ADAMTSL1: variants seen among roughly 807,000 people sequenced by gnomAD.
The protein encoded by ADAMTSL1 is ADAMTS-like protein 1.
In ADAMTSL1, 126 loss-of-function variants were observed where a neutral mutation model predicts 201.8. The ratio of observed to expected loss-of-function variants is 0.62; its 90% CI spans 0.54 to 0.72. ADAMTSL1 has a LOEUF of 0.72. Among genes scored for constraint, ADAMTSL1 ranks in the 30% least tolerant of loss-of-function variants. The pLI is 0.00. For synonymous variants in ADAMTSL1, 1,121 were observed against 903.4 expected, an observed-to-expected ratio of 1.24 and a Z score of -4.32; for missense variants, 2,679 against 2,277.8, an observed-to-expected ratio of 1.18 and a Z score of -3.59.
intron 9 of ADAMTSL1, among the ~76,000 whole-genome samples, chr9:18,671,188 T>G (rs1564136538): frequency 6.6e-6 from 1 of 151,974 alleles, no homozygotes; most frequent in Non-Finnish European, 1.5e-5. Flanking sequence ...TAGTACACAG[T>G]TAAAAGTGAG....
intron 3 of ADAMTSL1, among the ~76,000 whole-genome samples, chr9:18,540,274 A>G (rs915192780): frequency 6.6e-6 from 1 of 152,212 alleles, no homozygotes; most frequent in African/African-American, 2.4e-5. Flanking sequence ...GATGCAGATG[A>G]TAAAGTTTTA....
At chr9:18,049,510 C>T (rs1226046724) in intron 1 of ADAMTSL1, among the ~76,000 whole-genome samples, 1 of 152,124 alleles carries the variant, frequency 6.6e-6, no homozygotes, top group Non-Finnish European at 1.5e-5. Context: ...ATCTTATAAC[C>T]ATGTGAGGAT....
intron 19 of ADAMTSL1, among the ~76,000 whole-genome samples, chr9:18,792,076 C>CAAAAAAAAA (rs372062110): frequency 1.4e-5 from 2 of 147,028 alleles, no homozygotes; most frequent in African/African-American, 5.0e-5. Context: ...TAGTTGTATG[C>CAAAAAAAAA]AAAAAAAAAA....
In ADAMTSL1 at chr9:18,574,100, G is replaced by A. The variant is rs541759156; in HGVS notation, c.308G>A (p.Gly103Asp). Reference protein sequence around the residue: ...CSAHNDVKHHGQFYEWLPVSN... With the variant: ...CSAHNDVKHHDQFYEWLPVSN... ...GCTCATAATGATGTCAAGCACCATG[G>A]CCAGTTTTATGAATGGCTTCCTGTG... Residue 103 changes from glycine (G) to aspartate (D), a missense_variant, in exon 4 of 29, where the codon GGC (glycine) becomes GAC (aspartate). By Grantham distance (94) the Gly-to-Asp change is moderately conservative. Coordinates refer to ENST00000380548, the MANE Select transcript of ADAMTSL1 (RefSeq NM_001040272.6). The A allele has an allele frequency of 4.2e-5, 67 of 1,614,088 alleles. No individual in the cohort carries two copies. The South Asian group carries it at 5.3e-4, about 13-fold the overall frequency.
chr9:18,509,392 A>G (rs1817887133), intron 2 of ADAMTSL1, among the ~76,000 whole-genome samples: 1 of 152,102 alleles, frequency 6.6e-6, no homozygotes. Flanking sequence ...GCTAATGGTA[A>G]CTCTAATTGG....
In ADAMTSL1 at chr9:18,029,799, C is replaced by A. The variant is rs188501328; in HGVS notation, c.87+122877C>A. Among the ~76,000 whole-genome samples the A allele has an allele frequency of 4.1e-4, 63 of 152,318 alleles. 2 individuals are homozygous for A. The East Asian group carries it at 0.011, about 26-fold the overall frequency. On this transcript the variant is annotated intron_variant, in intron 1 of 29. Coordinates refer to the ADAMTSL1 transcript ENST00000680146. ...GTAGCCAAAAACACATGAAAAAACG[C>A]TCTTCATCACTGGCCATCAGAGAAA...
chr9:18,361,714 G>C (rs192788613), intron 2 of ADAMTSL1, among the ~76,000 whole-genome samples: 4 of 152,282 alleles, frequency 2.6e-5, no homozygotes, highest in Non-Finnish European at 1.5e-5. Context: ...AGACTCTAGT[G>C]CTGGATTCAG....
intron 2 of ADAMTSL1, among the ~76,000 whole-genome samples, chr9:18,468,101 A>C (rs1821074009): frequency 6.6e-6 from 1 of 152,204 alleles, no homozygotes; most frequent in African/African-American, 2.4e-5. Context: ...GCTACAAAAG[A>C]CAGTTTATTT....
chr9:18,129,178 A>G (rs1825852605), intron 1 of ADAMTSL1, among the ~76,000 whole-genome samples: 1 of 152,196 alleles, frequency 6.6e-6, no homozygotes, highest in Admixed American at 6.5e-5. Flanking sequence ...TACCTGCTAA[A>G]TATATCTTTG....
intron 7 of ADAMTSL1, among the ~76,000 whole-genome samples, chr9:18,654,685 T>C (rs1828511699): frequency 6.7e-6 from 1 of 149,230 alleles, no homozygotes; most frequent in African/African-American, 2.4e-5. Context: ...CATTTTAAAA[T>C]AGTCTTAACA....
At chr9:18,851,104 C>T (rs1460204810) in intron 23 of ADAMTSL1, among the ~76,000 whole-genome samples, 1 of 152,062 alleles carries the variant, frequency 6.6e-6, no homozygotes, top group Non-Finnish European at 1.5e-5. Flanking sequence ...AACTTGATCA[C>T]CATTGTGAGT....
chr9:18,794,410 A>C (rs201669012), intron 19 of ADAMTSL1, among the ~76,000 whole-genome samples: 3 of 85,960 alleles, frequency 3.5e-5, no homozygotes, highest in East Asian at 3.2e-4. Context: ...GTCTCAAAAA[A>C]AAAAAACAAA....
intron 14 of ADAMTSL1, chr9:18,718,183 T>C (rs1309322897): frequency 2.5e-6 from 2 of 794,402 alleles, no homozygotes; most frequent in African/African-American, 3.4e-5. Flanking sequence ...TCATACTTAT[T>C]ACCAACAAGA....
intron 2 of ADAMTSL1, among the ~76,000 whole-genome samples, chr9:18,430,386 T>C (rs1216529668): frequency 6.6e-6 from 1 of 152,224 alleles, no homozygotes; most frequent in Non-Finnish European, 1.5e-5. Context: ...TACTCACTCT[T>C]TTCTTACTTA....
intron 2 of ADAMTSL1, among the ~76,000 whole-genome samples, chr9:18,456,346 C>A (rs1425057638): frequency 2.6e-5 from 4 of 152,174 alleles, no homozygotes; most frequent in African/African-American, 9.7e-5. Context: ...CTCCTCCTGC[C>A]ACACTGGAAA....
At chr9:17,979,652 T>G (rs1818607207) in intron 1 of ADAMTSL1, among the ~76,000 whole-genome samples, 1 of 152,160 alleles carries the variant, frequency 6.6e-6, no homozygotes, top group Admixed American at 6.6e-5. Flanking sequence ...ACTAGTGCTT[T>G]GTTCTTTGGT....
At chr9:18,214,537 A>T (rs1465481191) in intron 2 of ADAMTSL1, among the ~76,000 whole-genome samples, 2 of 152,324 alleles carry the variant, frequency 1.3e-5, no homozygotes, top group African/African-American at 4.8e-5. Context: ...AAATGTTTAG[A>T]TTAAATTTAG....
intron 2 of ADAMTSL1, among the ~76,000 whole-genome samples, chr9:18,342,859 T>C (rs1228132770): frequency 6.6e-6 from 1 of 152,160 alleles, no homozygotes; most frequent in Non-Finnish European, 1.5e-5. Context: ...CATCTGAAAC[T>C]TCTGATCTCT....
chr9:18,285,818 T>C (rs376519306), intron 2 of ADAMTSL1, among the ~76,000 whole-genome samples: 13 of 152,304 alleles, frequency 8.5e-5, no homozygotes, highest in African/African-American at 3.1e-4. Flanking sequence ...TTCTGTTTTC[T>C]TACATATAAC....
Sources: gnomAD v4.1 joint callset for allele counts (sites outside exome capture counted in the v4.1 genomes callset) on GRCh38, gnomAD v4.1.1 for gene constraint, MANE v1.5 for transcripts, NCBI Gene and HGNC (gene_info 2026-07-23, HGNC 2026-07-21) for gene names.